DLC1: variants seen among roughly 807,000 people sequenced by gnomAD.
DLC1 encodes DLC1 Rho GTPase activating protein.
A neutral mutation model predicts 140.3 loss-of-function variants in DLC1; 54 were observed. The observed-to-expected ratio is 0.38, with a 90% CI of 0.31 to 0.48. DLC1 has a LOEUF of 0.48. DLC1 is among the 20% of genes least tolerant of loss of function. The pLI, the probability that DLC1 is intolerant of heterozygous loss-of-function variation, is 0.96. For synonymous variants in DLC1, 986 were observed against 728.1 expected (o/e 1.35, Z -5.70); for missense variants, 2,536 against 1,907.0 (o/e 1.33, Z -6.14).
At chr8:13,200,610 G>T (rs574740766) in intron 5 of DLC1, among the ~76,000 whole-genome samples, 6 of 150,692 alleles carry the variant, frequency 4.0e-5, no homozygotes, top group East Asian at 1.9e-4. Flanking sequence ...GTGTGTGTGT[G>T]TTTTTTTTTA....
In DLC1 at chr8:13,090,387, C is replaced by T. The variant is rs1390530874; in HGVS notation, c.3939G>A (p.Leu1313=). ...KPLTLEALGH[L]GNDDSADYQH... ...GGTAGTCAGCTGAGTCATCATTACC[C>T]AGGTGCCCGAGTGCTTCCAGAGTGA... Residue 1313 remains leucine, a synonymous_variant, in exon 15 of 18, where the codon CTG becomes CTA. Transcript: ENST00000276297. 12 of 1,614,060 alleles carry T rather than the reference C, an allele frequency of 7.4e-6. No individual in the cohort carries two copies. Among genetic ancestry groups the T allele is most frequent in the Non-Finnish European group, 1.0e-5 (12 of 1,180,040 alleles).
intron 4 of DLC1, among the ~76,000 whole-genome samples, chr8:13,324,428 C>T (rs1176295849): frequency 1.3e-5 from 2 of 151,856 alleles, no homozygotes; most frequent in Non-Finnish European, 2.9e-5. Context: ...CTTAGCTGGG[C>T]GTGGTGGCGG....
At chr8:13,450,270 C>T (rs935206863) in intron 2 of DLC1, among the ~76,000 whole-genome samples, 2 of 151,588 alleles carry the variant, frequency 1.3e-5, no homozygotes, top group Non-Finnish European at 2.9e-5. Flanking sequence ...GTCTGGCCAA[C>T]ATGGTGAAAC....
intron 4 of DLC1, among the ~76,000 whole-genome samples, chr8:13,384,628 G>T (rs565004208): frequency 2.7e-5 from 4 of 150,620 alleles, no homozygotes; most frequent in African/African-American, 9.7e-5. Flanking sequence ...AATGTCCAAT[G>T]ATCTACCTAA....
intron 1 of DLC1, among the ~76,000 whole-genome samples, chr8:13,545,713 C>G (rs1270743586): frequency 1.3e-5 from 2 of 151,986 alleles, no homozygotes; most frequent in Non-Finnish European, 2.9e-5. Flanking sequence ...CTACACCTGG[C>G]TGAACCATTT....
intron 5 of DLC1, among the ~76,000 whole-genome samples, chr8:13,142,287 G>C (rs1229624970): frequency 3.3e-5 from 5 of 152,190 alleles, no homozygotes; most frequent in Admixed American, 3.3e-4. Context: ...CTTACTAGTT[G>C]TGAAAGACTA....
chr8:13,572,005 A>C (rs1804669249), intron 1 of DLC1, among the ~76,000 whole-genome samples: 1 of 152,026 alleles, frequency 6.6e-6, no homozygotes, highest in Non-Finnish European at 1.5e-5. Context: ...TGTGTATCTC[A>C]TTTAGCAAAA....
At chr8:13,434,616 T>G (rs1839034941) in intron 2 of DLC1, among the ~76,000 whole-genome samples, 2 of 152,170 alleles carry the variant, frequency 1.3e-5, no homozygotes, top group South Asian at 2.1e-4. Context: ...TTTTCATGCC[T>G]GCTAACACCA....
intron 14 of DLC1, 39 bp downstream of exon 14, chr8:13,091,279 T>A (rs761300722): frequency 6.2e-7 from 1 of 1,601,854 alleles, no homozygotes; most frequent in Non-Finnish European, 8.5e-7. Context: ...CCTATTCACA[T>A]TATCCTTAAT....
chr8:13,349,726 G>T (rs184674878), intron 4 of DLC1, among the ~76,000 whole-genome samples: 1 of 152,212 alleles, frequency 6.6e-6, no homozygotes, highest in African/African-American at 2.4e-5. Flanking sequence ...GAGGGTAAAC[G>T]AAAGCTGAAC....
chr8:13,139,288 CAAAAAAAAAAAAAAA>C (rs67684524), intron 5 of DLC1, among the ~76,000 whole-genome samples: 4 of 49,290 alleles, frequency 8.1e-5, no homozygotes, highest in Admixed American at 7.4e-4. Flanking sequence ...GACCCTGTCT[CAAAAAAAAAAAAAAA>C]AAAAAAAAAA....
rs577582690 is a variant in DLC1 at position 13,499,530 on chromosome 8, C to G, written c.542G>C (p.Arg181Thr). The change falls in exon 2 of 18, where the codon AGA becomes ACA. Residue 181 changes from arginine to threonine, a missense_variant. Transcript: ENST00000276297. ...ELALVKESGE[R>T]KVTDSISKSL... Reference sequence around the variant, plus strand: ...TTTACTTATAGAGTCAGTAACTTTTCTCTCCCCACTTTCTTTTACCAGTGC... The same window carrying G: ...TTTACTTATAGAGTCAGTAACTTTTGTCTCCCCACTTTCTTTTACCAGTGC... The G allele has an allele frequency of 2.2e-5, 36 of 1,613,976 alleles. 2 individuals are homozygous for G. In the South Asian group the frequency reaches 3.8e-4, roughly 17 times the overall value.
intron 2 of DLC1, among the ~76,000 whole-genome samples, chr8:13,425,222 G>A (rs576414347): frequency 5.3e-5 from 8 of 152,212 alleles, no homozygotes; most frequent in Admixed American, 3.3e-4. Context: ...CTCCTCTTGA[G>A]CACAGGATGG....
At chr8:13,376,134 T>C (rs1255531665) in intron 4 of DLC1, among the ~76,000 whole-genome samples, 1 of 152,182 alleles carries the variant, frequency 6.6e-6, no homozygotes, top group Non-Finnish European at 1.5e-5. Context: ...GGTTTGGCCA[T>C]GAGAAACTGA....
chr8:13,242,992 C>T (rs140058091), intron 5 of DLC1, among the ~76,000 whole-genome samples: 10 of 151,896 alleles, frequency 6.6e-5, no homozygotes, highest in African/African-American at 2.4e-4. Context: ...TTGTTGTTCT[C>T]GTGATGGTGA....
At position 13,084,699 on chromosome 8, in the gene DLC1, A is replaced by T. The variant is rs1018067093; in HGVS notation, c.*1112T>A. 6.6e-6 allele frequency: 1 copy of T among 152,212 alleles called. No individual in the cohort carries two copies. Among genetic ancestry groups the T allele is most frequent in the Non-Finnish European group, 1.5e-5 (1 of 68,032 alleles). The allele number at this position is 152,212 out of a possible 1,614,324, so 9.4% of individuals were successfully genotyped here. A position where few individuals can be genotyped will look rare whatever the true frequency, so the allele number is the denominator to read the frequency against. Reference sequence around the variant, plus strand: ...CTATTTGCTGATAAGAACAAGCCCAATGAATAAACACATGTGGCTTTCAGG... The same window carrying T: ...CTATTTGCTGATAAGAACAAGCCCATTGAATAAACACATGTGGCTTTCAGG... On this transcript the variant is annotated 3_prime_UTR_variant, in exon 18 of 18. Coordinates refer to ENST00000276297, the MANE Select transcript of DLC1 (RefSeq NM_182643.3).
intron 5 of DLC1, among the ~76,000 whole-genome samples, chr8:13,265,087 A>G (rs2117351282): frequency 6.6e-6 from 1 of 152,326 alleles, no homozygotes; most frequent in South Asian, 2.1e-4. Flanking sequence ...ATAGTAATAA[A>G]AGTTGTCAAA....
At chr8:13,429,537 G>T (rs968310815) in intron 2 of DLC1, among the ~76,000 whole-genome samples, 8 of 152,138 alleles carry the variant, frequency 5.3e-5, no homozygotes, top group Non-Finnish European at 7.4e-5. Flanking sequence ...TAGATGTACA[G>T]CTACTGTCAT....
At chr8:13,350,712 T>A (rs1233414493) in intron 4 of DLC1, among the ~76,000 whole-genome samples, 1 of 150,354 alleles carries the variant, frequency 6.7e-6, no homozygotes, top group Non-Finnish European at 1.5e-5. Flanking sequence ...CAAGACTCGA[T>A]CTTAAAAAAT....
Sources: allele counts gnomAD v4.1 joint callset (sites outside exome capture counted in the v4.1 genomes callset), GRCh38; gene constraint gnomAD v4.1.1; transcripts MANE v1.5; gene names NCBI Gene and HGNC (gene_info 2026-07-23, HGNC 2026-07-21).